The following ANKFN1 variants were observed in gnomAD, a reference collection of about 807,000 sequenced individuals.
ANKFN1 encodes the protein ankyrin repeat and fibronectin type-III domain-containing protein 1.
ANKFN1 carries 74 observed loss-of-function variants against 108.7 expected under a neutral mutation model. The ratio of observed to expected loss-of-function variants is 0.68; its 90% CI spans 0.56 to 0.83. ANKFN1 has a LOEUF of 0.83. Among genes scored for constraint, ANKFN1 ranks in the 40% least tolerant of loss-of-function variants. The probability of loss-of-function intolerance (pLI) is 0.00; values close to 1 mark genes in which losing one functional copy is unlikely to be tolerated. For synonymous variants in ANKFN1, 547 were observed against 516.2 expected (o/e 1.06, Z -0.81); for missense variants, 1,505 against 1,382.3 (o/e 1.09, Z -1.41).
At chr17:56,417,121 G>T (rs2048264449) in intron 8 of ANKFN1, among the ~76,000 whole-genome samples, 1 of 152,090 alleles carries the variant, frequency 6.6e-6, no homozygotes, top group Non-Finnish European at 1.5e-5. Context: ...AATAAAAATA[G>T]TTAGAAGGAA....
chr17:56,217,020 C>A (rs148683352), intron 2 of ANKFN1, among the ~76,000 whole-genome samples: 17 of 152,322 alleles, frequency 1.1e-4, no homozygotes, highest in Admixed American at 3.9e-4. Flanking sequence ...AAACCCCACA[C>A]TTAAAATCTC....
intron 4 of ANKFN1, among the ~76,000 whole-genome samples, chr17:56,076,394 T>G (rs1905181666): frequency 6.6e-6 from 1 of 152,234 alleles, no homozygotes; most frequent in African/African-American, 2.4e-5. Flanking sequence ...TTGCATAATC[T>G]GCTAGTTGAA....
intron 3 of ANKFN1, among the ~76,000 whole-genome samples, chr17:56,289,073 G>T (rs1406400875): frequency 6.6e-6 from 1 of 152,150 alleles, no homozygotes; most frequent in Admixed American, 6.5e-5. Flanking sequence ...AAAAATGGGG[G>T]TTATGGAAGA....
At chr17:56,181,826 G>T (rs1041621631) in intron 1 of ANKFN1, among the ~76,000 whole-genome samples, 3 of 152,112 alleles carry the variant, frequency 2.0e-5, no homozygotes, top group African/African-American at 4.8e-5. Context: ...ACAAATTGAA[G>T]GTTTGTGACA....
chr17:56,095,641 C>T (rs972270393), intron 4 of ANKFN1, among the ~76,000 whole-genome samples: 1 of 152,124 alleles, frequency 6.6e-6, no homozygotes, highest in Non-Finnish European at 1.5e-5. Context: ...AGAGAGCTAG[C>T]GAAGCTATAC....
chr17:56,418,828 C>T (rs1449259950), intron 8 of ANKFN1, among the ~76,000 whole-genome samples: 1 of 151,604 alleles, frequency 6.6e-6, no homozygotes, highest in Non-Finnish European at 1.5e-5. Context: ...CACAAGAAAC[C>T]ACAGAGAGTC....
intron 1 of ANKFN1, among the ~76,000 whole-genome samples, chr17:56,177,744 G>C (rs1428572641): frequency 2.0e-5 from 3 of 152,148 alleles, no homozygotes; most frequent in African/African-American, 7.2e-5. Flanking sequence ...TATGATATTG[G>C]TATTTTAACT....
intron 1 of ANKFN1, among the ~76,000 whole-genome samples, chr17:56,210,577 G>T (rs548208862): frequency 1.3e-5 from 2 of 152,136 alleles, no homozygotes; most frequent in Admixed American, 1.3e-4. Flanking sequence ...GCCCACTTTT[G>T]GATAGGATTG....
At chr17:56,058,407 G>C (rs1904916952) in intron 4 of ANKFN1, among the ~76,000 whole-genome samples, 1 of 152,202 alleles carries the variant, frequency 6.6e-6, no homozygotes, top group African/African-American at 2.4e-5. Flanking sequence ...GCACTTTTAT[G>C]TTACAAAGGC....
chr17:56,203,275 C>T (rs1029661247), intron 1 of ANKFN1, among the ~76,000 whole-genome samples: 1 of 152,150 alleles, frequency 6.6e-6, no homozygotes. Flanking sequence ...GCCTTTTCAT[C>T]CCCAGTGCCT....
chr17:56,162,098 C>A (rs1287456145), intron 1 of ANKFN1, among the ~76,000 whole-genome samples: 1 of 152,112 alleles, frequency 6.6e-6, no homozygotes, highest in Non-Finnish European at 1.5e-5. Context: ...CAAGTGTAGT[C>A]AGGGCAGGGG....
intron 20 of ANKFN1, among the ~76,000 whole-genome samples, chr17:56,500,909 C>T (rs1469753728): frequency 6.6e-6 from 1 of 152,066 alleles, no homozygotes; most frequent in Non-Finnish European, 1.5e-5. Context: ...AGAGTGAAAA[C>T]ATAAACAAAC....
intron 1 of ANKFN1, among the ~76,000 whole-genome samples, chr17:56,183,487 C>A (rs984071688): frequency 5.3e-5 from 8 of 152,132 alleles, no homozygotes; most frequent in Admixed American, 3.9e-4. Context: ...GGCTTAGCAT[C>A]CCTTGGTAAT....
intron 3 of ANKFN1, among the ~76,000 whole-genome samples, chr17:56,293,511 G>A (rs542319999): frequency 8.5e-5 from 13 of 152,154 alleles, no homozygotes; most frequent in Admixed American, 2.0e-4. Context: ...CACTGGTTTC[G>A]TGCAGGGTAA....
intron 4 of ANKFN1, among the ~76,000 whole-genome samples, chr17:56,054,065 A>C (rs1423868308): frequency 6.6e-6 from 1 of 152,132 alleles, no homozygotes; most frequent in East Asian, 1.9e-4. Flanking sequence ...AAAAGTCAAC[A>C]AAAAATAGAT....
chr17:56,463,780 A>G (rs991562042), intron 14 of ANKFN1: 3 of 152,216 alleles, frequency 2.0e-5, no homozygotes, highest in African/African-American at 7.2e-5. Context: ...TACATTTGTT[A>G]AGGGGAGAAA....
intron 8 of ANKFN1, among the ~76,000 whole-genome samples, chr17:56,422,944 G>C (rs1477861121): frequency 2.0e-5 from 3 of 152,164 alleles, no homozygotes; most frequent in Non-Finnish European, 4.4e-5. Context: ...TGCCCTAGGA[G>C]GGTGAAAGCA....
At chr17:56,467,743 CAAAGAAAG>C (rs759980897) in intron 15 of ANKFN1, among the ~76,000 whole-genome samples, 744 of 72,560 alleles carry the variant, frequency 0.01, 13 homozygotes, top group African/African-American at 0.03. Flanking sequence ...AAGAAAGAAA[CAAAGAAAG>C]AAAGAAAGAA....
chr17:56,126,606 C>G (rs928594295), intron 4 of ANKFN1, among the ~76,000 whole-genome samples: 2 of 152,116 alleles, frequency 1.3e-5, no homozygotes, highest in Admixed American at 1.3e-4. Flanking sequence ...TACAGACCGA[C>G]CAGGGGACAC....
Sources: allele counts gnomAD v4.1 joint callset (sites outside exome capture counted in the v4.1 genomes callset), GRCh38; gene constraint gnomAD v4.1.1; transcripts MANE v1.5; gene names NCBI Gene and HGNC (gene_info 2026-07-23, HGNC 2026-07-21).